SMAD3: variants seen among roughly 807,000 people sequenced by gnomAD.
The protein encoded by SMAD3 is SMAD family member 3, also known as MAD homolog 3.
SMAD3 carries 12 observed loss-of-function variants against 51.8 expected under a neutral mutation model. The observed-to-expected ratio is 0.23, with a 90% CI of 0.15 to 0.38. SMAD3 has a LOEUF of 0.38. Ranked by LOEUF, SMAD3 falls within the 10% of genes least tolerant of loss-of-function variation. The pLI is 1.00. For missense variants in SMAD3, 294 were observed against 565.6 expected, an observed-to-expected ratio of 0.52 and a Z score of 4.87; for synonymous variants, 238 against 227.7, an observed-to-expected ratio of 1.05 and a Z score of -0.41.
chr15:67,085,129 G>C (rs1236832198), intron 1 of SMAD3, among the ~76,000 whole-genome samples: 2 of 152,214 alleles, frequency 1.3e-5, no homozygotes, highest in Non-Finnish European at 2.9e-5. Flanking sequence ...TGAGGAGACT[G>C]AGCATTTCAG....
At chr15:67,075,856 C>A (rs541633175) in intron 1 of SMAD3, among the ~76,000 whole-genome samples, 1 of 150,800 alleles carries the variant, frequency 6.6e-6, no homozygotes, top group South Asian at 2.1e-4. Context: ...CAGAGCTTGC[C>A]GTGAGCCAAG....
At chr15:67,087,682 T>A (rs1418337319) in intron 1 of SMAD3, among the ~76,000 whole-genome samples, 1 of 152,130 alleles carries the variant, frequency 6.6e-6, no homozygotes, top group Non-Finnish European at 1.5e-5. Flanking sequence ...ACTAGCTGAG[T>A]GTAATCAGGA....
At chr15:67,083,241 C>T (rs1034460741) in intron 1 of SMAD3, among the ~76,000 whole-genome samples, 1 of 152,258 alleles carries the variant, frequency 6.6e-6, no homozygotes, top group East Asian at 1.9e-4. Context: ...GTTGGGGAGA[C>T]GGAGGCCCTG....
intron 1 of SMAD3, among the ~76,000 whole-genome samples, chr15:67,100,271 A>G (rs1255447120): frequency 5.9e-5 from 9 of 152,040 alleles, no homozygotes; most frequent in Non-Finnish European, 1.3e-4. Flanking sequence ...TTCAGACATC[A>G]AAAGCCACAT....
chr15:67,169,918 G>T (rs1485099194), intron 4 of SMAD3, among the ~76,000 whole-genome samples: 1 of 152,160 alleles, frequency 6.6e-6, no homozygotes, highest in African/African-American at 2.4e-5. Context: ...TAAGAATTGG[G>T]TAGATTGAGA....
chr15:67,068,012 CAG>C (rs912057073), intron 1 of SMAD3, among the ~76,000 whole-genome samples: 4 of 151,812 alleles, frequency 2.6e-5, no homozygotes, highest in African/African-American at 9.7e-5. Flanking sequence ...TGTATTGAAA[CAG>C]AAGAAAAAAA....
At chr15:67,139,885 G>T (rs1228385285) in intron 1 of SMAD3, among the ~76,000 whole-genome samples, 2 of 152,032 alleles carry the variant, frequency 1.3e-5, no homozygotes, top group Non-Finnish European at 2.9e-5. Flanking sequence ...TTGGGAGGCC[G>T]AGGTGGGTGG....
intron 1 of SMAD3, among the ~76,000 whole-genome samples, chr15:67,102,767 C>T (rs560579707): frequency 2.0e-4 from 30 of 152,140 alleles, no homozygotes; most frequent in African/African-American, 6.7e-4. Context: ...GATACGTGGT[C>T]CCTTAGCTTG....
chr15:67,173,079 A>G (rs1431460173), intron 5 of SMAD3, among the ~76,000 whole-genome samples: 1 of 152,104 alleles, frequency 6.6e-6, no homozygotes, highest in Non-Finnish European at 1.5e-5. Context: ...TGATTCTAAA[A>G]CAAGAAGGAG....
chr15:67,165,036 G>A lies in SMAD3; in HGVS notation c.348G>A (p.Lys116=). Residue 116 remains lysine, a synonymous_variant, in exon 2 of 9, where the codon AAG becomes AAA. Transcript: ENST00000327367. ...MELCEFAFNM[K]KDEVCVNPYH... ...TGTGTGAGTTCGCCTTCAATATGAA[G>A]AAGGACGAGGTCTGCGTGAATCCCT... 1.9e-6 allele frequency: 3 copies of A among 1,614,190 alleles called. No homozygotes were observed. Among genetic ancestry groups the A allele is most frequent in the Non-Finnish European group, 2.5e-6 (3 of 1,180,038 alleles).
chr15:67,140,756 C>T (rs1408353088), intron 1 of SMAD3, among the ~76,000 whole-genome samples: 1 of 152,152 alleles, frequency 6.6e-6, no homozygotes, highest in Non-Finnish European at 1.5e-5. Flanking sequence ...GAAGGAGTGA[C>T]GCCTTCCCCT....
intron 1 of SMAD3, among the ~76,000 whole-genome samples, chr15:67,107,965 T>TCTCCCC (rs1960916348): frequency 2.4e-5 from 3 of 124,724 alleles, no homozygotes; most frequent in South Asian, 2.8e-4. Context: ...TGCTCTCCTC[T>TCTCCCC]CCCCCCCACC....
At chr15:67,166,933 C>T in intron 4 of SMAD3, 80 bp downstream of exon 4, 1 of 1,021,670 alleles carries the variant, frequency 9.8e-7, no homozygotes, top group Non-Finnish European at 1.5e-6. Flanking sequence ...TTCCTCTTCG[C>T]CCTCTCCCTC....
At chr15:67,170,718 G>A (rs943824529) in intron 5 of SMAD3, 114 bp downstream of exon 5, 1 of 836,218 alleles carries the variant, frequency 1.2e-6, no homozygotes, top group East Asian at 2.5e-5. Flanking sequence ...CCTACCATCA[G>A]CCCAGCTCAG....
intron 6 of SMAD3, among the ~76,000 whole-genome samples, chr15:67,181,693 G>T: frequency 6.6e-6 from 1 of 151,930 alleles, no homozygotes; most frequent in Non-Finnish European, 1.5e-5. Flanking sequence ...CCCACTCAAA[G>T]ATATAATCTC....
At chr15:67,155,675 C>T (rs544027492) in intron 1 of SMAD3, among the ~76,000 whole-genome samples, 3 of 152,098 alleles carry the variant, frequency 2.0e-5, no homozygotes, top group Admixed American at 6.6e-5. Flanking sequence ...GGAAAACCCA[C>T]GTAGAATGCA....
intron 5 of SMAD3, among the ~76,000 whole-genome samples, chr15:67,177,735 T>G (rs1284704784): frequency 2.2e-4 from 10 of 45,250 alleles, no homozygotes; most frequent in South Asian, 8.7e-4. Context: ...GTTTTTTTGT[T>G]TTTTTTTTTG....
At chr15:67,071,705 G>A (rs1308632755) in intron 1 of SMAD3, among the ~76,000 whole-genome samples, 2 of 152,226 alleles carry the variant, frequency 1.3e-5, no homozygotes, top group Middle Eastern at 3.4e-3. Context: ...CCAGCTACTC[G>A]GGAGGCTGAG....
At chr15:67,111,538 C>A (rs1961014345) in intron 1 of SMAD3, among the ~76,000 whole-genome samples, 1 of 152,082 alleles carries the variant, frequency 6.6e-6, no homozygotes, top group African/African-American at 2.4e-5. Context: ...CATTTGGTAG[C>A]TTTGTTTACC....
Sources: allele counts gnomAD v4.1 joint callset (sites outside exome capture counted in the v4.1 genomes callset), GRCh38; gene constraint gnomAD v4.1.1; transcripts MANE v1.5; gene names NCBI Gene and HGNC (gene_info 2026-07-23, HGNC 2026-07-21).